ACP1: variants seen among roughly 807,000 people sequenced by gnomAD.
ACP1 encodes the protein acid phosphatase 1, also known as low molecular weight phosphotyrosine protein phosphatase.
In ACP1, 23 loss-of-function variants were observed where a neutral mutation model predicts 23.4. The observed-to-expected ratio is 0.98, with a 90% CI of 0.71 to 1.39. The LOEUF is 1.39. Among genes scored for constraint, ACP1 ranks in the 40% most tolerant of loss-of-function variants. The pLI is 0.00. For missense variants in ACP1, 180 were observed against 197.7 expected, an observed-to-expected ratio of 0.91 and a Z score of 0.54; for synonymous variants, 72 against 67.2, an observed-to-expected ratio of 1.07 and a Z score of -0.35.
intron 1 of ACP1, among the ~76,000 whole-genome samples, chr2:267,027 G>T (rs185097864): frequency 2.0e-5 from 3 of 152,142 alleles, no homozygotes; most frequent in African/African-American, 7.2e-5. Flanking sequence ...GGACAAAGAC[G>T]TGTTTCACTT....
At chr2:272,563 G>T in intron 3 of ACP1, 2 of 1,104,008 alleles carry the variant, frequency 1.8e-6, no homozygotes, top group Non-Finnish European at 2.5e-6. Context: ...GGGCTGAGCG[G>T]TGCTCTGTCT....
At chr2:271,242 A>G (rs1008278367) in intron 1 of ACP1, among the ~76,000 whole-genome samples, 3 of 152,228 alleles carry the variant, frequency 2.0e-5, no homozygotes, top group African/African-American at 7.2e-5. Flanking sequence ...TTGACCCTTC[A>G]GCCACAGGGG....
At chr2:276,690 A>T (rs1377793333) in intron 4 of ACP1, among the ~76,000 whole-genome samples, 5 of 152,156 alleles carry the variant, frequency 3.3e-5, no homozygotes, top group Non-Finnish European at 5.9e-5. Context: ...TTATCTCTGA[A>T]ACTTGATTGT....
chr2:272,134 G>A lies in ACP1; in HGVS notation c.215G>A (p.Ser72Asn). Residue 72 changes from serine (S) to asparagine (N), a missense_variant, in exon 3 of 6, where the codon AGC becomes AAC. By Grantham distance (46) the Ser-to-Asn change is conservative (BLOSUM62 1). Coordinates refer to ENST00000272065, the MANE Select transcript of ACP1 (RefSeq NM_004300.4). ...ATGAAGAGGCACGGCATTCCCATGA[G>A]CCACGTTGCCCGGCAGGTACCGTCC... ...SCMKRHGIPMSHVARQITKED... is the reference protein window; with the variant it reads ...SCMKRHGIPMNHVARQITKED... 1 of 1,614,242 alleles carries A rather than the reference G, an allele frequency of 6.2e-7. No homozygotes were observed. The highest frequency in any genetic ancestry group is 8.5e-7 in the Non-Finnish European group (1 of 1,180,048).
intron 1 of ACP1, chr2:266,228 A>G (rs1300735495): frequency 6.6e-6 from 1 of 152,244 alleles, no homozygotes; most frequent in Non-Finnish European, 1.5e-5. Context: ...TTAGGACAAT[A>G]TATGATAAAC....
rs753467181 is a variant in ACP1, at chr2:272,156, G to T, written c.231+6G>T. 4 of 1,614,206 alleles carry T rather than the reference G, an allele frequency of 2.5e-6. No homozygotes were observed. Among genetic ancestry groups the T allele is most frequent in the Non-Finnish European group, 3.4e-6 (4 of 1,180,040 alleles). ...TGAGCCACGTTGCCCGGCAGGTACC[G>T]TCCTTGGACTTGAAGTTGTGTGTTT... On this transcript the variant is annotated splice_donor_region_variant and intron_variant, in intron 3 of 5. Coordinates refer to ENST00000272065, the MANE Select transcript of ACP1 (RefSeq NM_004300.4).
intron 1 of ACP1, among the ~76,000 whole-genome samples, chr2:267,043 G>C (rs966930017): frequency 2.6e-5 from 4 of 152,214 alleles, no homozygotes; most frequent in African/African-American, 9.7e-5. Flanking sequence ...CACTTCTGGG[G>C]CAGGACGGAA....
rs1040855293 is a variant in ACP1 at position 278,134 on chromosome 2, T to A, written c.*830T>A. ...TTGGGAAAAGTGTTATTATTTGGCA[T>A]GCTTAAATATTGAATAAGTATTCTT... On this transcript the variant is annotated 3_prime_UTR_variant, in exon 6 of 6. Transcript: ENST00000272065. 8.5e-5 allele frequency: 13 copies of A among 152,256 alleles called. No individual in the cohort carries two copies. The highest frequency in any genetic ancestry group is 2.4e-4 in the African/African-American group (10 of 41,456). The allele number at this position is 152,256 out of a possible 1,614,324, so 9.4% of individuals were successfully genotyped here.
At chr2:273,184 A>G (rs1670092076) in intron 3 of ACP1, 1 of 152,840 alleles carries the variant, frequency 6.5e-6, no homozygotes, top group African/African-American at 2.4e-5. Context: ...GGAGAGAGAG[A>G]GAGAGGACCC....
chr2:266,569 G>C (rs1669889196), intron 1 of ACP1, among the ~76,000 whole-genome samples: 1 of 152,146 alleles, frequency 6.6e-6, no homozygotes, highest in Non-Finnish European at 1.5e-5. Flanking sequence ...CGAAACTGTG[G>C]GTAGTACCAA....
At position 275,142 on chromosome 2, in the gene ACP1, T is replaced by A. The variant is rs978320608; in HGVS notation, c.234T>A (p.Ile78=). ...TTTGACTTCTTATTCAATTTTAGAT[T>A]ACCAAAGAAGATTTTGCCACATTTG... ...GIPMSHVARQ[I]TKEDFATFDY... is the part of the protein sequence containing the mutation. The change falls in exon 4 of 6, where the codon ATT becomes ATA. Residue 78 remains isoleucine (I), a splice_region_variant and synonymous_variant. Transcript: ENST00000272065. 2 of 1,501,206 alleles carry A rather than the reference T, an allele frequency of 1.3e-6. No homozygotes were observed. The highest frequency in any genetic ancestry group is 1.8e-6 in the Non-Finnish European group (2 of 1,091,468). 93.0% of individuals were successfully genotyped at this position (1,501,206 alleles called of 1,614,324 possible). A position where few individuals can be genotyped will look rare whatever the true frequency, so the allele number is the denominator to read the frequency against.
At chr2:269,029 A>C (rs1669964364) in intron 1 of ACP1, among the ~76,000 whole-genome samples, 1 of 152,232 alleles carries the variant, frequency 6.6e-6, no homozygotes. Flanking sequence ...CTGAGATACT[A>C]GGCATCTGTT....
intron 4 of ACP1, among the ~76,000 whole-genome samples, chr2:276,589 A>G (rs1670179833): frequency 1.3e-5 from 2 of 152,138 alleles, no homozygotes; most frequent in African/African-American, 4.8e-5. Context: ...GTGCTGTGGG[A>G]AGTGCTGTGT....
intron 1 of ACP1, among the ~76,000 whole-genome samples, chr2:271,281 AT>A (rs1670023673): frequency 6.6e-6 from 1 of 152,226 alleles, no homozygotes; most frequent in South Asian, 2.1e-4. Context: ...TATTCGAGGA[AT>A]TTTTTTAATC....
chr2:271,811 A>T (rs1670040830), intron 1 of ACP1, 55 bp from the exon 2 acceptor site: 1 of 1,392,632 alleles, frequency 7.2e-7, no homozygotes, highest in African/African-American at 1.4e-5. Flanking sequence ...GGGAGCTGGC[A>T]TGTGCCCTTC....
At chr2:270,204 G>A (rs967670436) in intron 1 of ACP1, among the ~76,000 whole-genome samples, 3 of 152,184 alleles carry the variant, frequency 2.0e-5, no homozygotes, top group African/African-American at 7.2e-5. Context: ...ACAGTGCTTG[G>A]CACATAGAGT....
At position 276,995 on chromosome 2, in the gene ACP1, A is replaced by G. The variant is rs745539317; in HGVS notation, c.309A>G (p.Lys103=). 1 of 1,600,930 alleles carries G rather than the reference A, an allele frequency of 6.2e-7. No individual in the cohort carries two copies. Among genetic ancestry groups the G allele is most frequent in the Non-Finnish European group, 8.5e-7 (1 of 1,172,472 alleles). ...DESNLRDLNR[K]SNQVKTCKAK... is the part of the protein sequence containing the mutation. Reference sequence around the variant, plus strand: ...AATTTTACAGAGATTTGAATAGAAAAAGTAATCAAGTTAAAACCTGCAAAG... The same window carrying G: ...AATTTTACAGAGATTTGAATAGAAAGAGTAATCAAGTTAAAACCTGCAAAG... Residue 103 remains lysine (K), a synonymous_variant, in exon 5 of 6, where the codon AAA becomes AAG. Transcript: ENST00000272065.
intron 1 of ACP1, among the ~76,000 whole-genome samples, chr2:271,167 G>A (rs1275701969): frequency 6.6e-6 from 1 of 152,160 alleles, no homozygotes; most frequent in African/African-American, 2.4e-5. Context: ...ATGTTTGTGT[G>A]TTTGTGTATT....
chr2:277,633 A>G lies in ACP1; in HGVS notation c.*329A>G, dbSNP rs1670213036. 6.0e-6 allele frequency: 2 copies of G among 335,012 alleles called. No individual in the cohort carries two copies. The highest frequency in any genetic ancestry group is 2.1e-5 in the African/African-American group (1 of 47,604). The allele number at this position is 335,012 out of a possible 1,614,324, so 20.8% of individuals were successfully genotyped here. ...ACCTCACTTGAAGGCCCAGGTCAAC[A>G]TCTAAGCCTGTTGAGACTTAGATAA... On this transcript the variant is annotated 3_prime_UTR_variant, in exon 6 of 6. Coordinates refer to ENST00000272065, the MANE Select transcript of ACP1 (RefSeq NM_004300.4).
Sources: gnomAD v4.1 joint callset for allele counts (sites outside exome capture counted in the v4.1 genomes callset) on GRCh38, gnomAD v4.1.1 for gene constraint, MANE v1.5 for transcripts, NCBI Gene and HGNC (gene_info 2026-07-23, HGNC 2026-07-21) for gene names.